Variants in CTNNA2 observed in about 807,000 individuals in gnomAD.
The protein encoded by CTNNA2 is catenin alpha 2.
In CTNNA2, 42 loss-of-function variants were observed where a neutral mutation model predicts 101.0. The observed-to-expected ratio is 0.42, with a 90% confidence interval of 0.32 to 0.54. The LOEUF (loss-of-function observed/expected upper bound fraction) is 0.54. CTNNA2 is among the 20% of genes least tolerant of loss of function. CTNNA2 has a pLI of 0.14. For synonymous variants in CTNNA2, 450 were observed against 456.4 expected (o/e 0.99, Z 0.18); for missense variants, 871 against 1,223.1 (o/e 0.71, Z 4.29).
At chr2:79,233,741 T>C (rs1674524178) in intron 2 of CTNNA2, among the ~76,000 whole-genome samples, 1 of 152,156 alleles carries the variant, frequency 6.6e-6, no homozygotes, top group Non-Finnish European at 1.5e-5. Flanking sequence ...ATGTTGAGCA[T>C]AAACATATAT....
chr2:80,173,740 T>G (rs551757293), intron 7 of CTNNA2, among the ~76,000 whole-genome samples: 6 of 152,080 alleles, frequency 3.9e-5, no homozygotes, highest in African/African-American at 1.4e-4. Context: ...AGGGAAGGCC[T>G]AGGGTGCATG....
chr2:79,619,045 A>G (rs973654727), intron 1 of CTNNA2, among the ~76,000 whole-genome samples: 2 of 152,160 alleles, frequency 1.3e-5, no homozygotes, highest in Admixed American at 1.3e-4. Context: ...GTCTCTCCAA[A>G]AAATACGAAA....
At chr2:79,472,748 A>G (rs889210365) in intron 4 of CTNNA2, among the ~76,000 whole-genome samples, 1 of 152,076 alleles carries the variant, frequency 6.6e-6, no homozygotes. Context: ...TGGGCTGAGA[A>G]TTTTCCAAAT....
intron 9 of CTNNA2, among the ~76,000 whole-genome samples, chr2:80,489,977 G>A (rs1320157896): frequency 1.3e-5 from 2 of 152,078 alleles, no homozygotes; most frequent in Non-Finnish European, 2.9e-5. Flanking sequence ...GATGGAAAAG[G>A]GATATGAATC....
intron 7 of CTNNA2, among the ~76,000 whole-genome samples, chr2:80,202,961 G>A (rs369831543): frequency 1.1e-4 from 16 of 152,292 alleles, no homozygotes; most frequent in East Asian, 9.7e-4. Context: ...AGGAAAGGAG[G>A]AGCAAGGCAG....
At chr2:79,979,323 G>C (rs1460932443) in intron 7 of CTNNA2, among the ~76,000 whole-genome samples, 6 of 152,116 alleles carry the variant, frequency 3.9e-5, no homozygotes, top group African/African-American at 1.4e-4. Context: ...TTTGAGGTTA[G>C]AGTGAACTAT....
intron 4 of CTNNA2, among the ~76,000 whole-genome samples, chr2:79,440,860 G>A (rs1678769917): frequency 6.6e-6 from 1 of 152,152 alleles, no homozygotes; most frequent in Admixed American, 6.6e-5. Flanking sequence ...AATTGTCCCT[G>A]TCATCCAGTT....
chr2:79,326,630 G>T (rs1676753715), intron 3 of CTNNA2, among the ~76,000 whole-genome samples: 1 of 152,092 alleles, frequency 6.6e-6, no homozygotes, highest in Non-Finnish European at 1.5e-5. Context: ...GTTTGACGCT[G>T]GTTAGGAGTT....
intron 11 of CTNNA2, among the ~76,000 whole-genome samples, chr2:80,552,344 C>A (rs1692638872): frequency 6.6e-6 from 1 of 152,034 alleles, no homozygotes; most frequent in South Asian, 2.1e-4. Context: ...GAAAAAAAAA[C>A]CCACCAATCT....
At chr2:80,104,215 C>G (rs565768308) in intron 7 of CTNNA2, among the ~76,000 whole-genome samples, 1 of 152,318 alleles carries the variant, frequency 6.6e-6, no homozygotes, top group African/African-American at 2.4e-5. Flanking sequence ...AGTTGGTTCT[C>G]CACTCGAATC....
chr2:79,187,255 C>CTTTTTT (rs1673790152), intron 1 of CTNNA2, among the ~76,000 whole-genome samples: 1 of 100,676 alleles, frequency 9.9e-6, no homozygotes, highest in African/African-American at 6.5e-5. Flanking sequence ...CTTTTCTTTT[C>CTTTTTT]TTTTCTTTTC....
intron 3 of CTNNA2, among the ~76,000 whole-genome samples, chr2:79,781,697 T>G (rs1674439977): frequency 6.6e-6 from 1 of 152,194 alleles, no homozygotes; most frequent in South Asian, 2.1e-4. Context: ...GTAGCAGCTT[T>G]CTACAGAAAT....
At chr2:80,448,320 A>G (rs1268950875) in intron 9 of CTNNA2, among the ~76,000 whole-genome samples, 1 of 152,236 alleles carries the variant, frequency 6.6e-6, no homozygotes, top group Non-Finnish European at 1.5e-5. Flanking sequence ...TGAATTTAAT[A>G]TGTTCTCCGT....
intron 9 of CTNNA2, among the ~76,000 whole-genome samples, chr2:80,531,941 C>A (rs1657009703): frequency 6.6e-6 from 1 of 152,118 alleles, no homozygotes; most frequent in African/African-American, 2.4e-5. Context: ...AGTAAGAGAT[C>A]TTGGCTTGTG....
rs112051787 is a variant in CTNNA2, at chr2:80,393,129, A to T, written c.1057-82A>T. On this transcript the variant is annotated intron_variant, in intron 7 of 18. Coordinates refer to ENST00000402739, the MANE Select transcript of CTNNA2 (RefSeq NM_001282597.3). ...AAAAATTGTTTGAATTTAACTTCTC[A>T]TGTTTTCCTGATTTTTTTAAATTTT... 9,419 of 1,017,492 alleles carry T rather than the reference A, an allele frequency of 9.3e-3. 102 individuals are homozygous for T. The highest frequency in any genetic ancestry group is 0.044 in the African/African-American group (2,667 of 60,322). The allele number at this position is 1,017,492 out of a possible 1,614,324, so 63.0% of individuals were successfully genotyped here.
chr2:79,630,417 G>A (rs1679611081), intron 1 of CTNNA2, among the ~76,000 whole-genome samples: 1 of 152,128 alleles, frequency 6.6e-6, no homozygotes, highest in South Asian at 2.1e-4. Flanking sequence ...AATATTAATA[G>A]TCTATGATGT....
At chr2:79,681,336 C>T (rs910089194) in intron 2 of CTNNA2, among the ~76,000 whole-genome samples, 3 of 152,102 alleles carry the variant, frequency 2.0e-5, no homozygotes, top group East Asian at 1.9e-4. Context: ...GTTACTAGAC[C>T]GCCTTCCAGT....
chr2:80,283,592 G>T (rs1257722227), intron 7 of CTNNA2, among the ~76,000 whole-genome samples: 1 of 152,130 alleles, frequency 6.6e-6, no homozygotes, highest in Non-Finnish European at 1.5e-5. Context: ...TTGCTTGATA[G>T]GCTAGGGACT....
intron 2 of CTNNA2, among the ~76,000 whole-genome samples, chr2:79,205,930 A>G (rs563603071): frequency 6.6e-6 from 1 of 152,314 alleles, no homozygotes; most frequent in East Asian, 1.9e-4. Context: ...CAGGTTTTGA[A>G]TGCTCGGCCC....
Sources: gnomAD v4.1 joint callset for allele counts (sites outside exome capture counted in the v4.1 genomes callset) on GRCh38, gnomAD v4.1.1 for gene constraint, MANE v1.5 for transcripts, NCBI Gene and HGNC (gene_info 2026-07-23, HGNC 2026-07-21) for gene names.